The following MYBPH variants were observed in gnomAD, a reference collection of about 807,000 sequenced individuals.
MYBPH encodes myosin-binding protein H.
Under a neutral mutation model 53.6 loss-of-function variants are expected in MYBPH, and 49 were observed. That is an observed-to-expected ratio of 0.91 (90% CI 0.73 to 1.16). The LOEUF (loss-of-function observed/expected upper bound fraction) is 1.16, where lower values mean the gene tolerates loss of function less well. MYBPH is among the 50% of genes most tolerant of loss of function. MYBPH has a pLI of 0.00. For synonymous variants in MYBPH, 239 were observed against 249.6 expected (o/e 0.96, Z 0.40); for missense variants, 558 against 624.1 (o/e 0.89, Z 1.13).
intron 1 of MYBPH, 23 bp downstream of exon 1, chr1:203,175,528 C>T (rs1218540838): frequency 6.2e-7 from 1 of 1,613,230 alleles, no homozygotes; most frequent in Middle Eastern, 1.7e-4. Flanking sequence ...CCTCCCTCCT[C>T]CCCCTGCCCC....
chr1:203,169,456 AC>A, intron 7 of MYBPH, 67 bp from the exon 8 acceptor site: 1 of 1,538,638 alleles, frequency 6.5e-7, no homozygotes, highest in African/African-American at 1.4e-5. Flanking sequence ...GTCAGGACTG[AC>A]TATGATTCAA....
chr1:203,169,684 CT>C (rs918097281), intron 7 of MYBPH, among the ~76,000 whole-genome samples: 16 of 152,108 alleles, frequency 1.1e-4, no homozygotes, highest in Non-Finnish European at 1.8e-4. Flanking sequence ...GACTGGCTTT[CT>C]TTTTTTAAAC....
Position 203,171,232 on chromosome 1 carries a change from G to A in MYBPH, c.794-32C>T. On this transcript the variant is annotated intron_variant, in intron 5 of 10. Transcript: ENST00000255416. The surrounding 1 kb of genome is among the most constrained non-coding windows in gnomAD (Gnocchi z 4.2). The stretch of plus-strand genomic sequence containing the variant: ...GCCCAGAGTGTGAGAGGAAGTGAGT[G>A]TGAGGGCCAGGCTGGCCACAGAGCC... 2 of 1,564,860 alleles carry A rather than the reference G, an allele frequency of 1.3e-6. No homozygotes were observed. The highest frequency in any genetic ancestry group is 1.7e-6 in the Non-Finnish European group (2 of 1,154,464).
chr1:203,168,462 C>G (rs1488764420), intron 10 of MYBPH, among the ~76,000 whole-genome samples, 165 bp downstream of exon 10: 1 of 152,210 alleles, frequency 6.6e-6, no homozygotes, highest in Non-Finnish European at 1.5e-5. Flanking sequence ...CCTGCAACAT[C>G]ACTGTGAGTC....
Position 203,171,245 on chromosome 1 carries a change from T to A in MYBPH, c.794-45A>T. On this transcript the variant is annotated intron_variant, in intron 5 of 10. Coordinates refer to ENST00000255416, the MANE Select transcript of MYBPH (RefSeq NM_004997.3). This position sits in a 1 kb window ranked among gnomAD's most constrained non-coding sequence, Gnocchi z 4.2. ...GAGGAAGTGAGTGTGAGGGCCAGGCTGGCCACAGAGCCCCCACACCCAAAA... is the reference window on the plus strand; with the variant it reads ...GAGGAAGTGAGTGTGAGGGCCAGGCAGGCCACAGAGCCCCCACACCCAAAA... The A allele has an allele frequency of 6.4e-7, 1 of 1,556,296 alleles. No individual in the cohort carries two copies.
chr1:203,171,855 GCTGGACC>G lies in MYBPH; in HGVS notation c.597+90_597+96del. 1.2e-6 allele frequency: 1 copy of G among 839,690 alleles called. No homozygotes were observed. The highest frequency in any genetic ancestry group is 3.2e-5 in the South Asian group (1 of 31,214). 52.0% of individuals were successfully genotyped at this position (839,690 alleles called of 1,614,324 possible). A position where few individuals can be genotyped will look rare whatever the true frequency, so the allele number is the denominator to read the frequency against. ...GATGAAGCCGTCTCGCTGGGTCTCA[GCTGGACC>G]CTTGGAGACCCTGCCATCTCCCAGG... is the stretch of plus-strand genomic sequence containing the variant. On this transcript the variant is annotated intron_variant, in intron 4 of 10. Coordinates refer to ENST00000255416, the MANE Select transcript of MYBPH (RefSeq NM_004997.3). The surrounding 1 kb of genome is among the most constrained non-coding windows in gnomAD (Gnocchi z 4.2).
chr1:203,168,443 TC>T (rs1655625598), intron 10 of MYBPH, among the ~76,000 whole-genome samples, 183 bp downstream of exon 10: 1 of 152,222 alleles, frequency 6.6e-6, no homozygotes, highest in Non-Finnish European at 1.5e-5. Flanking sequence ...GACACCGGCA[TC>T]GCCTGGCCCT....
At position 203,175,404 on chromosome 1, in the gene MYBPH, G is replaced by A. The variant is rs1461545927; in HGVS notation, c.263C>T (p.Thr88Ile). 2 of 1,546,528 alleles carry A rather than the reference G, an allele frequency of 1.3e-6. No individual in the cohort carries two copies. Among genetic ancestry groups the A allele is most frequent in the Admixed American group, 3.9e-5 (2 of 50,732 alleles). The change falls in exon 2 of 11, where the codon ACT becomes ATT. Residue 88 changes from threonine to isoleucine, a missense_variant. Thr to Ile is a moderately conservative substitution (Grantham distance 89). Coordinates refer to ENST00000255416, the MANE Select transcript of MYBPH (RefSeq NM_004997.3). ...CCTCTCTGGGGGCTCCCAGCTCACA[G>A]TCACAGAGCTGCTGCTCACATCATC... ...TLDDVSSSSV[T>I]VSWEPPERLG...
intron 3 of MYBPH, among the ~76,000 whole-genome samples, chr1:203,172,795 TG>T (rs1408123307): frequency 1.3e-5 from 2 of 152,014 alleles, no homozygotes; most frequent in African/African-American, 2.4e-5. Context: ...TCCCCTGGGG[TG>T]GGTGCTGGGT....
In MYBPH at chr1:203,168,211, G is replaced by A. The variant is rs909864960; in HGVS notation, c.*33-120C>T. On this transcript the variant is annotated intron_variant, in intron 10 of 10. Transcript: ENST00000255416. The stretch of plus-strand genomic sequence containing the variant: ...TCCTCACCAGGCCTCCCTCCCTCAG[G>A]TGCAATGCCCAGGTCTGAGCTCTGC... 31 of 243,218 alleles carry A rather than the reference G, an allele frequency of 1.3e-4. No individual in the cohort carries two copies. In the Admixed American group the frequency reaches 1.5e-3, roughly 12 times the overall value. 15.1% of individuals were successfully genotyped at this position (243,218 alleles called of 1,614,324 possible). A position where few individuals can be genotyped will look rare whatever the true frequency, so the allele number is the denominator to read the frequency against.
chr1:203,169,770 G>C (rs1021074842), intron 7 of MYBPH, among the ~76,000 whole-genome samples: 4 of 152,238 alleles, frequency 2.6e-5, no homozygotes, highest in Non-Finnish European at 5.9e-5. Flanking sequence ...CACACAGACT[G>C]TGGGTCGGAG....
At chr1:203,170,210 A>G in intron 7 of MYBPH, 81 bp downstream of exon 7, 1 of 1,550,234 alleles carries the variant, frequency 6.5e-7, no homozygotes, top group South Asian at 1.2e-5. Context: ...GGAGAAACCC[A>G]GAGAGAGGGG....
chr1:203,175,185 G>A (rs1342849032), intron 2 of MYBPH, 142 bp downstream of exon 2: 6 of 1,018,710 alleles, frequency 5.9e-6, no homozygotes, highest in Non-Finnish European at 6.6e-6. Context: ...AGGGCAGGTG[G>A]GTGGGTTGAG....
In MYBPH at chr1:203,171,839, G is replaced by A. The variant is rs543120769; in HGVS notation, c.597+113C>T. The A allele has an allele frequency of 1.5e-5, 11 of 748,044 alleles. No homozygotes were observed. Among genetic ancestry groups the A allele is most frequent in the African/African-American group, 7.2e-5 (4 of 55,550 alleles). The allele number at this position is 748,044 out of a possible 1,614,324, so 46.3% of individuals were successfully genotyped here. A position where few individuals can be genotyped will look rare whatever the true frequency, so the allele number is the denominator to read the frequency against. On this transcript the variant is annotated intron_variant, in intron 4 of 10. Transcript: ENST00000255416. This position sits in a 1 kb window ranked among gnomAD's most constrained non-coding sequence, Gnocchi z 4.2. ...TGCATGATTGCGGAAGGATGAAGCC[G>A]TCTCGCTGGGTCTCAGCTGGACCCT... is the stretch of plus-strand genomic sequence containing the variant.
In MYBPH at chr1:203,175,357, C is replaced by T; in HGVS notation, c.310G>A (p.Gly104Ser). Residue 104 changes from glycine to serine, a missense_variant, in exon 2 of 11, where the codon GGC becomes AGC. Coordinates refer to ENST00000255416, the MANE Select transcript of MYBPH (RefSeq NM_004997.3). ...PERLGRLGLQ[G>S]YVLELCREGA... Reference sequence around the variant, plus strand: ...TCTCTGCAGAGCTCCAGCACATAGCCCTGGAGGCCCAGCCTCCCCAGCCTC... The same window carrying T: ...TCTCTGCAGAGCTCCAGCACATAGCTCTGGAGGCCCAGCCTCCCCAGCCTC... 1 of 1,527,136 alleles carries T rather than the reference C, an allele frequency of 6.5e-7. No individual in the cohort carries two copies. Among genetic ancestry groups the T allele is most frequent in the Non-Finnish European group, 8.8e-7 (1 of 1,140,632 alleles). The allele number at this position is 1,527,136 out of a possible 1,614,324, so 94.6% of individuals were successfully genotyped here.
At chr1:203,170,584 T>A in intron 6 of MYBPH, 134 bp from the exon 7 acceptor site, 1 of 1,193,528 alleles carries the variant, frequency 8.4e-7, no homozygotes, top group Non-Finnish European at 1.2e-6. Context: ...GCTTTGGGCC[T>A]CAGGGACATT....
intron 6 of MYBPH, 144 bp from the exon 7 acceptor site, chr1:203,170,594 T>A (rs1005118662): frequency 1.8e-6 from 2 of 1,125,962 alleles, no homozygotes; most frequent in Non-Finnish European, 2.5e-6. Flanking sequence ...TCAGGGACAT[T>A]GAATTGGAAG....
In MYBPH at chr1:203,174,444, A is replaced by G. The variant is rs1262369276; in HGVS notation, c.494T>C (p.Ile165Thr). Residue 165 changes from isoleucine to threonine, a missense_variant, in exon 3 of 11, where the codon ATC (isoleucine) becomes ACC (threonine). By Grantham distance (89) the Ile-to-Thr change is moderately conservative (BLOSUM62 -1). Coordinates refer to ENST00000255416, the MANE Select transcript of MYBPH (RefSeq NM_004997.3). ...ATGGGCTTTACCAATGTTCTCTCGG[A>G]TGTGGATGGGCTGGTCCAGCATGGC... is the stretch of plus-strand genomic sequence containing the variant. ...PPAMLDQPIH[I>T]RENIEAPKIR... 5.6e-6 allele frequency: 9 copies of G among 1,598,608 alleles called. No individual in the cohort carries two copies. The East Asian group carries it at 1.8e-4, about 32-fold the overall frequency.
intron 7 of MYBPH, 149 bp from the exon 8 acceptor site, chr1:203,169,538 G>A: frequency 2.6e-6 from 3 of 1,159,944 alleles, no homozygotes; most frequent in Non-Finnish European, 3.7e-6. Flanking sequence ...AGAAAGCTGA[G>A]ACTGTAGCTG....
Sources: gnomAD v4.1 joint callset for allele counts (sites outside exome capture counted in the v4.1 genomes callset) on GRCh38, gnomAD v4.1.1 for gene constraint, Gnocchi (gnomAD v3.1) non-coding constraint, MANE v1.5 for transcripts, NCBI Gene and HGNC (gene_info 2026-07-23, HGNC 2026-07-21) for gene names.